LRRK1: variants seen among roughly 807,000 people sequenced by gnomAD.
LRRK1 encodes leucine rich repeat kinase 1, also known as leucine-rich repeat serine/threonine-protein kinase 1.
In LRRK1, 113 loss-of-function variants were observed where a neutral mutation model predicts 209.1. The ratio of observed to expected loss-of-function variants is 0.54; its 90% CI spans 0.46 to 0.63. The LOEUF is 0.63. Among genes scored for constraint, LRRK1 ranks in the 30% least tolerant of loss-of-function variants. LRRK1 has a pLI of 0.00. For synonymous variants in LRRK1, 1,144 were observed against 1,099.7 expected (o/e 1.04, Z -0.80); for missense variants, 2,284 against 2,632.2 (o/e 0.87, Z 2.89).
intron 2 of LRRK1, among the ~76,000 whole-genome samples, chr15:100,972,647 T>C (rs1343057445): frequency 6.6e-6 from 1 of 152,110 alleles, no homozygotes; most frequent in Admixed American, 6.6e-5. Context: ...AATCATGTTT[T>C]TGGAGTCATG....
chr15:101,052,375 C>T (rs574509393), intron 24 of LRRK1, among the ~76,000 whole-genome samples: 1 of 105,582 alleles, frequency 9.5e-6, no homozygotes, highest in Non-Finnish European at 2.0e-5. Context: ...AGCTCCCACC[C>T]AGAGCCTTGT....
At chr15:100,988,131 G>GGTTTT (rs746412192) in intron 4 of LRRK1, among the ~76,000 whole-genome samples, 16 of 152,260 alleles carry the variant, frequency 1.1e-4, no homozygotes, top group South Asian at 4.2e-4. Flanking sequence ...AGGACAGCTG[G>GGTTTT]GTTTTGTTTT....
intron 20 of LRRK1, among the ~76,000 whole-genome samples, chr15:101,036,724 G>GT (rs1263724836): frequency 2.0e-5 from 3 of 151,650 alleles, no homozygotes; most frequent in Admixed American, 1.3e-4. Flanking sequence ...TGCATCTGGT[G>GT]TAACAGTCAC....
intron 20 of LRRK1, among the ~76,000 whole-genome samples, chr15:101,031,745 T>C (rs1436428829): frequency 6.6e-6 from 1 of 151,976 alleles, no homozygotes; most frequent in Non-Finnish European, 1.5e-5. Context: ...ACTATTTTTT[T>C]TTTTTTTGAG....
intron 2 of LRRK1, among the ~76,000 whole-genome samples, chr15:100,943,365 T>G (rs2042478669): frequency 6.6e-6 from 1 of 152,248 alleles, no homozygotes. Context: ...TACTAGCATC[T>G]GATGGGGTTA....
At chr15:100,986,891 G>A (rs1551466) in intron 4 of LRRK1, among the ~76,000 whole-genome samples, 2 of 152,026 alleles carry the variant, frequency 1.3e-5, no homozygotes, top group East Asian at 1.9e-4. Context: ...TTTTTCCTAC[G>A]ACTCTGACCA....
At chr15:101,029,668 G>T (rs2034197943) in intron 20 of LRRK1, among the ~76,000 whole-genome samples, 1 of 152,116 alleles carries the variant, frequency 6.6e-6, no homozygotes, top group African/African-American at 2.4e-5. Context: ...AGGAGTTCAA[G>T]TCCAGCTTGA....
intron 24 of LRRK1, among the ~76,000 whole-genome samples, 157 bp from the exon 25 acceptor site, chr15:101,052,765 C>T (rs1297651702): frequency 6.6e-6 from 1 of 152,242 alleles, no homozygotes; most frequent in Non-Finnish European, 1.5e-5. Context: ...CCCAGGTGTG[C>T]TCACCCACAA....
intron 6 of LRRK1, among the ~76,000 whole-genome samples, chr15:101,000,238 A>T (rs2032620870): frequency 6.6e-6 from 1 of 152,186 alleles, no homozygotes; most frequent in South Asian, 2.1e-4. Context: ...CCCCAAATTT[A>T]ATAGCTGATT....
chr15:100,976,546 A>G (rs891838999), intron 3 of LRRK1, among the ~76,000 whole-genome samples: 2 of 152,232 alleles, frequency 1.3e-5, no homozygotes, highest in African/African-American at 4.8e-5. Context: ...GGCTATGGGA[A>G]CTTACACACC....
Position 101,022,202 on chromosome 15 carries a change from C to A in LRRK1, c.1853-181C>A, listed in dbSNP as rs985135423. 2 of 665,836 alleles carry A rather than the reference C, an allele frequency of 3.0e-6. No homozygotes were observed. The highest frequency in any genetic ancestry group is 1.9e-5 in the South Asian group (1 of 52,038). 41.2% of individuals were successfully genotyped at this position (665,836 alleles called of 1,614,324 possible). A position where few individuals can be genotyped will look rare whatever the true frequency, so the allele number is the denominator to read the frequency against. On this transcript the variant is annotated intron_variant, in intron 14 of 33. Coordinates refer to ENST00000388948, the MANE Select transcript of LRRK1 (RefSeq NM_024652.6). This position sits in a 1 kb window ranked among gnomAD's most constrained non-coding sequence, Gnocchi z 4.0. ...AAGGATTTTGTCCATAGGTTCTTGC[C>A]TCTTAGAGTTCGCTTTTAGGGTGGT...
intron 2 of LRRK1, among the ~76,000 whole-genome samples, chr15:100,942,989 G>A (rs531717629): frequency 6.6e-6 from 1 of 152,266 alleles, no homozygotes; most frequent in South Asian, 2.1e-4. Context: ...CAACAAGTTT[G>A]GAAGGTGCTT....
chr15:100,927,044 C>G (rs551406277), intron 2 of LRRK1, among the ~76,000 whole-genome samples: 2 of 152,306 alleles, frequency 1.3e-5, no homozygotes, highest in East Asian at 3.9e-4. Flanking sequence ...AGTTGAGAAT[C>G]AGGCCATCTA....
chr15:100,989,149 A>G, intron 5 of LRRK1, 101 bp from the exon 6 acceptor site: 6 of 1,034,010 alleles, frequency 5.8e-6, no homozygotes, highest in Non-Finnish European at 8.7e-6. Flanking sequence ...AACATGCACA[A>G]GTACCTTTTC....
At chr15:100,953,533 T>G (rs147316841) in intron 2 of LRRK1, among the ~76,000 whole-genome samples, 10 of 135,906 alleles carry the variant, frequency 7.4e-5, no homozygotes, top group South Asian at 4.9e-4. Context: ...TATATATATA[T>G]ACACACATAT....
chr15:101,014,264 T>G (rs1316381425), intron 10 of LRRK1, 52 bp from the exon 11 acceptor site: 1 of 1,315,082 alleles, frequency 7.6e-7, no homozygotes, highest in Non-Finnish European at 1.1e-6. Context: ...CTCCCCTCCC[T>G]TCTTGTATCT....
At chr15:101,017,451 C>G (rs1363150046) in intron 12 of LRRK1, among the ~76,000 whole-genome samples, 1 of 152,134 alleles carries the variant, frequency 6.6e-6, no homozygotes, top group Non-Finnish European at 1.5e-5. Flanking sequence ...TCCCCAGCGC[C>G]CCCCAGGAAG....
At chr15:101,056,231 G>A (rs2035785160) in intron 27 of LRRK1, among the ~76,000 whole-genome samples, 2 of 152,192 alleles carry the variant, frequency 1.3e-5, no homozygotes, top group African/African-American at 4.8e-5. Context: ...GAGACAACAT[G>A]TTGTGATCCA....
chr15:101,026,271 C>T (rs1879440098), intron 17 of LRRK1, 134 bp downstream of exon 17: 3 of 831,610 alleles, frequency 3.6e-6, no homozygotes, highest in Non-Finnish European at 5.6e-6. Flanking sequence ...TGGCCATCCA[C>T]AGAGCTGACC....
Sources: allele counts gnomAD v4.1 joint callset (sites outside exome capture counted in the v4.1 genomes callset), GRCh38; gene constraint gnomAD v4.1.1; non-coding constraint Gnocchi (gnomAD v3.1); transcripts MANE v1.5; gene names NCBI Gene and HGNC (gene_info 2026-07-23, HGNC 2026-07-21).